Variants in INPP4B observed in about 807,000 individuals in gnomAD.
INPP4B encodes the protein inositol polyphosphate-4-phosphatase type II B, also known as inositol polyphosphate 4-phosphatase type II.
A neutral mutation model predicts 122.5 loss-of-function variants in INPP4B; 55 were observed. That is an observed-to-expected ratio of 0.45 (90% CI 0.36 to 0.56). The LOEUF is 0.56. Among genes scored for constraint, INPP4B ranks in the 20% least tolerant of loss-of-function variants. The pLI, the probability that INPP4B is intolerant of heterozygous loss-of-function variation, is 0.00. For missense variants in INPP4B, 1,000 were observed against 1,097.7 expected (o/e 0.91, Z 1.26); for synonymous variants, 403 against 388.7 (o/e 1.04, Z -0.43).
chr4:142,257,394 A>T (rs1475222742), intron 11 of INPP4B, among the ~76,000 whole-genome samples: 4 of 152,196 alleles, frequency 2.6e-5, no homozygotes, highest in African/African-American at 9.6e-5. Context: ...GTATTCAATT[A>T]GGAAAAGAGG....
At chr4:142,643,097 G>A (rs973840837) in intron 2 of INPP4B, among the ~76,000 whole-genome samples, 1 of 152,156 alleles carries the variant, frequency 6.6e-6, no homozygotes, top group African/African-American at 2.4e-5. Context: ...AAGAATGCTT[G>A]TGATTTTTGC....
chr4:142,832,588 G>A (rs1037416104), intron 1 of INPP4B, among the ~76,000 whole-genome samples: 1 of 152,208 alleles, frequency 6.6e-6, no homozygotes, highest in Non-Finnish European at 1.5e-5. Flanking sequence ...CAACGCAGTG[G>A]TAAGCCACTC....
intron 3 of INPP4B, among the ~76,000 whole-genome samples, chr4:142,436,787 C>G (rs1340881679): frequency 6.8e-6 from 1 of 147,324 alleles, no homozygotes; most frequent in Non-Finnish European, 1.5e-5. Context: ...TAGACAAACT[C>G]ATGAAGATGA....
chr4:142,649,862 A>G (rs1752574538), intron 2 of INPP4B, among the ~76,000 whole-genome samples: 1 of 152,226 alleles, frequency 6.6e-6, no homozygotes, highest in African/African-American at 2.4e-5. Context: ...GAAAACACAG[A>G]GAACACCACA....
At position 142,436,181 on chromosome 4, in the gene INPP4B, C is replaced by T. The variant is rs143757694; in HGVS notation, c.-126-4796G>A. On this transcript the variant is annotated intron_variant, in intron 3 of 25. Coordinates refer to ENST00000262992, the MANE Select transcript of INPP4B (RefSeq NM_001101669.3). ...CTTCAAGCCAGACACTGACCCATCC[C>T]TCCTCACTGGGCGAGGCCTCCCTAC... Among the ~76,000 whole-genome samples the T allele has an allele frequency of 5.9e-5, 9 of 152,320 alleles. No individual in the cohort carries two copies. In the East Asian group the frequency reaches 1.7e-3, roughly 29 times the overall value.
At chr4:142,611,449 A>G (rs1234247135) in intron 2 of INPP4B, among the ~76,000 whole-genome samples, 1 of 152,098 alleles carries the variant, frequency 6.6e-6, no homozygotes, top group African/African-American at 2.4e-5. Flanking sequence ...GCTTCAAGGA[A>G]AAGTAAGTAA....
At chr4:142,681,136 T>C (rs536395170) in intron 2 of INPP4B, among the ~76,000 whole-genome samples, 10 of 151,862 alleles carry the variant, frequency 6.6e-5, no homozygotes, top group Admixed American at 6.6e-5. Flanking sequence ...GCCGCATGCA[T>C]AAAATCCTAC....
chr4:142,729,743 A>G (rs1765820727), intron 1 of INPP4B, among the ~76,000 whole-genome samples: 1 of 152,188 alleles, frequency 6.6e-6, no homozygotes, highest in African/African-American at 2.4e-5. Context: ...CTTCATCCAC[A>G]GTCACTAGTC....
intron 8 of INPP4B, among the ~76,000 whole-genome samples, chr4:142,307,337 C>A (rs1763788466): frequency 6.6e-6 from 1 of 152,098 alleles, no homozygotes; most frequent in African/African-American, 2.4e-5. Flanking sequence ...TTTTATTTTT[C>A]TCTATTGACA....
intron 2 of INPP4B, among the ~76,000 whole-genome samples, chr4:142,709,105 C>T (rs11100753): frequency 0.84 from 128,146 of 152,166 alleles, 54,012 homozygotes; most frequent in East Asian, 0.86. Flanking sequence ...CTTGCTGGGT[C>T]TTGGACTTGC....
intron 2 of INPP4B, among the ~76,000 whole-genome samples, chr4:142,647,423 A>T (rs1456434052): frequency 6.6e-6 from 1 of 152,206 alleles, no homozygotes; most frequent in Non-Finnish European, 1.5e-5. Flanking sequence ...GTACAAGAAG[A>T]TAGAGGGCAT....
At chr4:142,180,592 G>A (rs969386632) in intron 15 of INPP4B, among the ~76,000 whole-genome samples, 1 of 152,124 alleles carries the variant, frequency 6.6e-6, no homozygotes. Context: ...AATTCAAGAT[G>A]TAGAAATTGA....
chr4:142,060,822 T>C (rs1250178717), intron 25 of INPP4B, among the ~76,000 whole-genome samples: 1 of 152,200 alleles, frequency 6.6e-6, no homozygotes, highest in Admixed American at 6.6e-5. Context: ...TGATACTTAG[T>C]AAGCACTGTA....
chr4:142,259,988 T>C (rs1216116831), intron 11 of INPP4B, among the ~76,000 whole-genome samples: 1 of 151,686 alleles, frequency 6.6e-6, no homozygotes, highest in Non-Finnish European at 1.5e-5. Context: ...ATTTGTTTTT[T>C]GTTCATTTGT....
At chr4:142,629,827 C>T (rs907153749) in intron 2 of INPP4B, among the ~76,000 whole-genome samples, 3 of 152,062 alleles carry the variant, frequency 2.0e-5, no homozygotes, top group Admixed American at 2.0e-4. Context: ...CACCTGCATG[C>T]CTCTTCTTCC....
chr4:142,122,106 T>G, intron 21 of INPP4B, 22 bp downstream of exon 21: 2 of 1,475,102 alleles, frequency 1.4e-6, no homozygotes, highest in Non-Finnish European at 1.9e-6. Context: ...AGCCTGGTCT[T>G]CAGGAAGTGA....
rs577206383 is a variant in INPP4B, at chr4:142,274,132, T to G, written c.504-3358A>C. 1.5e-4 allele frequency among the ~76,000 whole-genome samples: 23 copies of G among 152,006 alleles called. 1 individual carries two copies. In the South Asian group the frequency reaches 4.6e-3, roughly 30 times the overall value. ...TTATCACCTATCAAGTTGGAAAGGC[T>G]AGTAATAATAGCTTAATCATTATTC... is the stretch of plus-strand genomic sequence containing the variant. On this transcript the variant is annotated intron_variant, in intron 9 of 25. Transcript: ENST00000262992.
chr4:142,646,336 G>A (rs1214010292), intron 2 of INPP4B, among the ~76,000 whole-genome samples: 1 of 151,906 alleles, frequency 6.6e-6, no homozygotes, highest in Non-Finnish European at 1.5e-5. Flanking sequence ...TAGACTATCA[G>A]CTACAAAGAA....
In INPP4B at chr4:142,345,017, T is replaced by G. The variant is rs1203021449; in HGVS notation, c.373-30255A>C. ...TTGGTTTTCTACCATCTCATTTGAT[T>G]TGGGTAGAAGTGCACCATAAGCACT... On this transcript the variant is annotated intron_variant, in intron 7 of 25. Transcript: ENST00000262992. 5.3e-5 allele frequency among the ~76,000 whole-genome samples: 8 copies of G among 152,032 alleles called. No homozygotes were observed. In the South Asian group the frequency reaches 1.7e-3, roughly 31 times the overall value.
Sources: gnomAD v4.1 joint callset for allele counts (sites outside exome capture counted in the v4.1 genomes callset) on GRCh38, gnomAD v4.1.1 for gene constraint, MANE v1.5 for transcripts, NCBI Gene and HGNC (gene_info 2026-07-23, HGNC 2026-07-21) for gene names.